The following GABRA3 variants were observed in gnomAD, a reference collection of about 807,000 sequenced individuals.
GABRA3 encodes gamma-aminobutyric acid receptor subunit alpha-3.
In GABRA3, 10 loss-of-function variants were observed where a neutral mutation model predicts 30.1. That is an observed-to-expected ratio of 0.33 (90% CI 0.20 to 0.56). The LOEUF (loss-of-function observed/expected upper bound fraction) is 0.56, where lower values mean the gene tolerates loss of function less well. GABRA3 is among the 20% of genes least tolerant of loss of function. The pLI is 0.89. For synonymous variants in GABRA3, 151 were observed against 146.8 expected, an observed-to-expected ratio of 1.03 and a Z score of -0.21; for missense variants, 233 against 392.0, an observed-to-expected ratio of 0.59 and a Z score of 3.42.
intron 1 of GABRA3, among the ~76,000 whole-genome samples, chrX:152,413,001 A>G (rs1045362938): frequency 1.8e-5 from 2 of 111,374 alleles, no homozygotes; most frequent in Non-Finnish European, 1.9e-5. Context: ...ACTCTATGAA[A>G]CCAAGAAGTG....
chrX:152,391,060 T>C (rs1409037315), intron 1 of GABRA3, among the ~76,000 whole-genome samples: 1 of 111,746 alleles, frequency 8.9e-6, no homozygotes, highest in Non-Finnish European at 1.9e-5. Flanking sequence ...CAGACATTCT[T>C]GGTGTATGAG....
chrX:152,285,939 T>G (rs761477491), intron 3 of GABRA3, among the ~76,000 whole-genome samples: 1 of 106,987 alleles, frequency 9.3e-6, no homozygotes, highest in African/African-American at 3.4e-5. Context: ...TATATAGTAC[T>G]TAGTACTAAG....
At chrX:152,292,363 G>A (rs1438328804) in intron 3 of GABRA3, among the ~76,000 whole-genome samples, 1 of 111,656 alleles carries the variant, frequency 9.0e-6, no homozygotes, top group South Asian at 3.7e-4. Context: ...TTGTATTGAT[G>A]TTTGTATTTC....
intron 3 of GABRA3, among the ~76,000 whole-genome samples, chrX:152,328,177 T>C (rs1175426626): frequency 9.0e-6 from 1 of 111,213 alleles, no homozygotes; most frequent in Non-Finnish European, 1.9e-5. Context: ...AATAGACCAA[T>C]AACAGGCTCT....
At chrX:152,323,382 A>G (rs910222104) in intron 3 of GABRA3, among the ~76,000 whole-genome samples, 5 of 111,738 alleles carry the variant, frequency 4.5e-5, no homozygotes, top group Non-Finnish European at 7.5e-5. Context: ...CAAGAGGCCA[A>G]TGTTCTATTC....
chrX:152,218,662 A>G (rs754222752), intron 6 of GABRA3, among the ~76,000 whole-genome samples: 7 of 110,883 alleles, frequency 6.3e-5, no homozygotes, highest in Non-Finnish European at 1.3e-4. Flanking sequence ...GTATTTCTTT[A>G]TAATTGTTAT....
intron 6 of GABRA3, among the ~76,000 whole-genome samples, chrX:152,214,119 C>T (rs1211056121): frequency 9.0e-6 from 1 of 110,937 alleles, no homozygotes; most frequent in Non-Finnish European, 1.9e-5. Context: ...TTATTCCACT[C>T]TCTGTATCCA....
intron 9 of GABRA3, chrX:152,187,201 A>G (rs1265770984): frequency 3.6e-5 from 4 of 111,906 alleles, no homozygotes; most frequent in Middle Eastern, 4.6e-3. Context: ...AAAAACCAGA[A>G]CTCTATCTTT....
intron 2 of GABRA3, among the ~76,000 whole-genome samples, chrX:152,349,123 A>T (rs1196340141): frequency 8.9e-6 from 1 of 111,997 alleles, no homozygotes; most frequent in African/African-American, 3.2e-5. Flanking sequence ...AGTTTATGTA[A>T]TATTCTAAAT....
chrX:152,288,669 T>C (rs1332134661), intron 3 of GABRA3, among the ~76,000 whole-genome samples: 1 of 111,893 alleles, frequency 8.9e-6, no homozygotes, highest in African/African-American at 3.2e-5. Flanking sequence ...AGGAGTTTCC[T>C]ATTTCATTTA....
At chrX:152,398,421 G>T (rs1418962632) in intron 1 of GABRA3, among the ~76,000 whole-genome samples, 1 of 110,849 alleles carries the variant, frequency 9.0e-6, no homozygotes, top group Non-Finnish European at 1.9e-5. Flanking sequence ...CATTTTTCTG[G>T]CCCTTCCCAG....
intron 1 of GABRA3, among the ~76,000 whole-genome samples, chrX:152,450,261 C>T (rs976966838): frequency 9.1e-6 from 1 of 110,216 alleles, no homozygotes; most frequent in Non-Finnish European, 1.9e-5. Flanking sequence ...CCATGCCACC[C>T]GCAGCCACAG....
At chrX:152,290,210 T>A (rs1018889371) in intron 3 of GABRA3, among the ~76,000 whole-genome samples, 2 of 112,159 alleles carry the variant, frequency 1.8e-5, no homozygotes, top group Admixed American at 9.5e-5. Flanking sequence ...CCATTCTAAC[T>A]GGTGTGTGAT....
At chrX:152,180,215 T>G (rs1937127397) in intron 9 of GABRA3, among the ~76,000 whole-genome samples, 1 of 112,412 alleles carries the variant, frequency 8.9e-6, no homozygotes, top group African/African-American at 3.2e-5. Context: ...AACAGTTATC[T>G]TCGGTCTTTT....
chrX:152,419,265 C>G (rs1930315759), intron 1 of GABRA3, among the ~76,000 whole-genome samples: 1 of 110,727 alleles, frequency 9.0e-6, no homozygotes, highest in South Asian at 3.8e-4. Context: ...ACGTTGTGCA[C>G]ATGTACCCTA....
intron 1 of GABRA3, among the ~76,000 whole-genome samples, chrX:152,387,054 A>G (rs1176995819): frequency 2.8e-5 from 3 of 106,794 alleles, no homozygotes; most frequent in Non-Finnish European, 5.8e-5. Flanking sequence ...AGCACAAAAA[A>G]TCAAACACCG....
chrX:152,220,873 CTG>C (rs749228851), intron 6 of GABRA3, among the ~76,000 whole-genome samples: 8 of 108,783 alleles, frequency 7.4e-5, no homozygotes, highest in African/African-American at 2.0e-4. Flanking sequence ...GTGTGTGTGC[CTG>C]TGTGTGTGTG....
chrX:152,168,928 C>A (rs927526802), intron 9 of GABRA3, among the ~76,000 whole-genome samples: 1 of 112,002 alleles, frequency 8.9e-6, no homozygotes, highest in African/African-American at 3.3e-5. Flanking sequence ...GAATGTTGGT[C>A]ACATGTGGAA....
At chrX:152,350,652 C>T (rs186448883) in intron 2 of GABRA3, among the ~76,000 whole-genome samples, 1 of 111,726 alleles carries the variant, frequency 9.0e-6, no homozygotes, top group African/African-American at 3.2e-5. Flanking sequence ...TTCTTCCACA[C>T]TCCTGTTAAT....
Sources: gnomAD v4.1 joint callset for allele counts (sites outside exome capture counted in the v4.1 genomes callset) on GRCh38, gnomAD v4.1.1 for gene constraint, MANE v1.5 for transcripts, NCBI Gene and HGNC (gene_info 2026-07-23, HGNC 2026-07-21) for gene names.